Variants in CPNE2 observed in about 807,000 individuals in gnomAD.
CPNE2 encodes copine-2.
A neutral mutation model predicts 69.7 loss-of-function variants in CPNE2; 42 were observed. That is an observed-to-expected ratio of 0.60 (90% CI 0.47 to 0.78). The LOEUF (loss-of-function observed/expected upper bound fraction) is 0.78. Ranked by LOEUF, CPNE2 falls within the 30% of genes least tolerant of loss-of-function variation. The pLI is 0.00. For missense variants in CPNE2, 587 were observed against 732.0 expected, an observed-to-expected ratio of 0.80 and a Z score of 2.29; for synonymous variants, 294 against 289.8, an observed-to-expected ratio of 1.01 and a Z score of -0.15.
At chr16:57,116,712 C>T (rs1025767639) in intron 4 of CPNE2, among the ~76,000 whole-genome samples, 1 of 152,216 alleles carries the variant, frequency 6.6e-6, no homozygotes, top group African/African-American at 2.4e-5. Context: ...ATAATAGGAC[C>T]TACCCTATAG....
Position 57,147,571 on chromosome 16 carries a change from C to A in CPNE2, c.1560C>A (p.Ala520=), listed in dbSNP as rs1424795173. ...TGCAGGCAGCAAAAGAGACCTTGGC[C>A]AAAGCTGTGCTGGCGGAGCTGCCCC... The part of the protein sequence containing the change: ...EFRNAAKETL[A]KAVLAELPQQ... Residue 520 remains alanine (A), a synonymous_variant, in exon 16 of 16, where the codon GCC becomes GCA. Coordinates refer to ENST00000290776, the MANE Select transcript of CPNE2 (RefSeq NM_152727.6). 1 of 1,606,036 alleles carries A rather than the reference C, an allele frequency of 6.2e-7. No homozygotes were observed. The highest frequency in any genetic ancestry group is 8.5e-7 in the Non-Finnish European group (1 of 1,174,512).
chr16:57,140,431 C>A (rs1436863003), intron 14 of CPNE2, among the ~76,000 whole-genome samples: 1 of 152,102 alleles, frequency 6.6e-6, no homozygotes, highest in African/African-American at 2.4e-5. Flanking sequence ...CTCAGCCTCC[C>A]AAAGTGCTGG....
At chr16:57,133,307 T>C (rs1259276369) in intron 12 of CPNE2, among the ~76,000 whole-genome samples, 2 of 151,992 alleles carry the variant, frequency 1.3e-5, no homozygotes, top group African/African-American at 2.4e-5. Context: ...GAAAACCCCA[T>C]TGCCTGAAAC....
In CPNE2 at chr16:57,130,444, C is replaced by CG. The variant is rs1334334015; in HGVS notation, c.1116+2546dup. Among the ~76,000 whole-genome samples, 1 of 151,886 alleles carries CG rather than the reference C, an allele frequency of 6.6e-6. No individual in the cohort carries two copies. The highest frequency in any genetic ancestry group is 1.5e-5 in the Non-Finnish European group (1 of 67,984). ...AGGCAGATGAAGCGGAGACTGAGCCCGGGGGCAGAGCAGGGAGGAAGTGAA... is the reference window on the plus strand; with the variant it reads ...AGGCAGATGAAGCGGAGACTGAGCCCGGGGGGCAGAGCAGGGAGGAAGTGAA... On this transcript the variant is annotated intron_variant, in intron 12 of 15. Coordinates refer to ENST00000290776, the MANE Select transcript of CPNE2 (RefSeq NM_152727.6). This position sits in a 1 kb window ranked among gnomAD's most constrained non-coding sequence, Gnocchi z 4.1.
Position 57,140,853 on chromosome 16 carries a change from C to T in CPNE2, c.1302+3571C>T, listed in dbSNP as rs990722550. ...GTGCTGGGATTACAGACCTGAGCCA[C>T]GGCACCCGGCCGGGATTTTTTTTTT... On this transcript the variant is annotated intron_variant, in intron 14 of 15. Coordinates refer to ENST00000290776, the MANE Select transcript of CPNE2 (RefSeq NM_152727.6). 12 of 150,452 alleles carry T rather than the reference C, an allele frequency of 8.0e-5. 1 individual carries two copies. The South Asian group carries it at 1.5e-3, about 18-fold the overall frequency. 9.3% of individuals were successfully genotyped at this position (150,452 alleles called of 1,614,324 possible). A position where few individuals can be genotyped will look rare whatever the true frequency, so the allele number is the denominator to read the frequency against.
Position 57,146,316 on chromosome 16 carries a change from C to T in CPNE2, c.1534C>T (p.Arg512Cys), listed in dbSNP as rs749664157. ...GCAGTTCGTTCCCTTTCGAGAGTTC[C>T]GCAACGTGAGTGTGGGCCTGGGCTG... ...IVQFVPFREF[R>C]NAAKETLAKA... Residue 512 changes from arginine to cysteine, a missense_variant, in exon 15 of 16, where the codon CGC (arginine) becomes TGC (cysteine). Arg to Cys is a radical substitution (Grantham distance 180). Around this residue, in one of 5 missense-constraint regions of CPNE2, gnomAD observed 185 missense variants for 252.3 expected, o/e 0.73. Coordinates refer to ENST00000290776, the MANE Select transcript of CPNE2 (RefSeq NM_152727.6). This position sits in a 1 kb window ranked among gnomAD's most constrained non-coding sequence, Gnocchi z 4.4. The T allele has an allele frequency of 6.5e-6, 10 of 1,549,114 alleles. No individual in the cohort carries two copies. The highest frequency in any genetic ancestry group is 5.9e-5 in the Admixed American group (3 of 51,256).
rs146753409 is a variant in CPNE2 at position 57,119,777 on chromosome 16, A to G, written c.681+127A>G. On this transcript the variant is annotated intron_variant, in intron 7 of 15. Coordinates refer to ENST00000290776, the MANE Select transcript of CPNE2 (RefSeq NM_152727.6). Reference sequence around the variant, plus strand: ...AAGTGGAACGAACCCCCATCTTTGGAGGAGGGAGGACTGGAGACTGGGTCC... The same window carrying G: ...AAGTGGAACGAACCCCCATCTTTGGGGGAGGGAGGACTGGAGACTGGGTCC... The G allele has an allele frequency of 6.1e-4, 388 of 633,708 alleles. No individual in the cohort carries two copies. In the African/African-American group the frequency reaches 6.4e-3, roughly 10 times the overall value. The allele number at this position is 633,708 out of a possible 1,614,324, so 39.3% of individuals were successfully genotyped here.
chr16:57,110,509 C>T lies in CPNE2; in HGVS notation c.-35-199C>T, dbSNP rs1041649271. 15 of 334,364 alleles carry T rather than the reference C, an allele frequency of 4.5e-5. 1 individual carries two copies. The South Asian group carries it at 7.4e-4, about 16-fold the overall frequency. The allele number at this position is 334,364 out of a possible 1,614,324, so 20.7% of individuals were successfully genotyped here. ...GAGATTATAGGCGTGAGCCACTGCG[C>T]TCAGCTGAGACTCCCTTTTCATGCA... is the stretch of plus-strand genomic sequence containing the variant. On this transcript the variant is annotated intron_variant, in intron 1 of 15. Coordinates refer to ENST00000290776, the MANE Select transcript of CPNE2 (RefSeq NM_152727.6).
chr16:57,142,868 A>T (rs2069932655), intron 14 of CPNE2: 1 of 152,210 alleles, frequency 6.6e-6, no homozygotes, highest in Non-Finnish European at 1.5e-5. Flanking sequence ...AATCAAATCA[A>T]ACGTTAAATG....
intron 4 of CPNE2, among the ~76,000 whole-genome samples, chr16:57,115,829 GC>G (rs1339348122): frequency 6.6e-6 from 1 of 152,244 alleles, no homozygotes; most frequent in African/African-American, 2.4e-5. Context: ...GAAGTGCCCT[GC>G]CCATCAGTGC....
At chr16:57,145,949 G>C in intron 14 of CPNE2, 136 bp from the exon 15 acceptor site, 1 of 717,502 alleles carries the variant, frequency 1.4e-6, no homozygotes, top group Non-Finnish European at 2.4e-6. Flanking sequence ...ATAGTGAGTT[G>C]TCTGGGACTT....
intron 9 of CPNE2, 82 bp from the exon 10 acceptor site, chr16:57,123,332 T>C (rs1290041546): frequency 2.8e-6 from 4 of 1,418,370 alleles, no homozygotes; most frequent in African/African-American, 1.4e-5. Context: ...CCTACTGAGG[T>C]TGCAGGACAT....
chr16:57,098,557 G>A (rs2069593165), intron 1 of CPNE2, among the ~76,000 whole-genome samples: 1 of 152,238 alleles, frequency 6.6e-6, no homozygotes, highest in Non-Finnish European at 1.5e-5. Context: ...CTGTGTGGCT[G>A]GAAAGTGGGG....
intron 1 of CPNE2, among the ~76,000 whole-genome samples, chr16:57,095,422 A>C (rs1421046217): frequency 6.6e-6 from 1 of 151,860 alleles, no homozygotes; most frequent in Admixed American, 6.6e-5. Flanking sequence ...AGTCAAGAAG[A>C]CTGCTGTTCC....
intron 2 of CPNE2, among the ~76,000 whole-genome samples, chr16:57,112,301 G>C (rs1211564592): frequency 3.9e-5 from 6 of 152,116 alleles, no homozygotes; most frequent in African/African-American, 1.4e-4. Context: ...GGACTCCTGG[G>C]GGAGCCACAA....
intron 1 of CPNE2, among the ~76,000 whole-genome samples, chr16:57,096,917 A>G (rs563629479): frequency 5.3e-4 from 81 of 152,116 alleles, no homozygotes; most frequent in African/African-American, 1.9e-3. Flanking sequence ...CACACTAGGC[A>G]TGTCCACACC....
Position 57,137,264 on chromosome 16 carries a change from A to G in CPNE2, c.1284A>G (p.Thr428=). The part of the protein sequence containing the change: ...NHVARFAAQA[T]QQRTATQYFI... ...TGGCCCGGTTTGCGGCCCAGGCCAC[A>G]CAACAGCGGACGGCCACGGTGAGTA... is the stretch of plus-strand genomic sequence containing the variant. The change falls in exon 14 of 16, where the codon ACA becomes ACG. Residue 428 remains threonine (T), a synonymous_variant. Transcript: ENST00000290776. The G allele has an allele frequency of 6.2e-7, 1 of 1,614,192 alleles. No individual in the cohort carries two copies. Among genetic ancestry groups the G allele is most frequent in the Non-Finnish European group, 8.5e-7 (1 of 1,180,022 alleles).
At chr16:57,145,939 A>G (rs1035905023) in intron 14 of CPNE2, 146 bp from the exon 15 acceptor site, 1 of 679,356 alleles carries the variant, frequency 1.5e-6, no homozygotes, top group Non-Finnish European at 2.6e-6. Context: ...AGCAGGACGC[A>G]TAGTGAGTTG....
intron 9 of CPNE2, 100 bp from the exon 10 acceptor site, chr16:57,123,311 ACCT>A: frequency 8.4e-7 from 1 of 1,192,980 alleles, no homozygotes. Context: ...GCTTTTTTTG[ACCT>A]CCTTGTCCCT....
Sources: gnomAD v4.1 joint callset for allele counts (sites outside exome capture counted in the v4.1 genomes callset) on GRCh38, gnomAD v4.1.1 for gene constraint, gnomAD v4.1.1 regional missense constraint, Gnocchi (gnomAD v3.1) non-coding constraint, MANE v1.5 for transcripts, NCBI Gene and HGNC (gene_info 2026-07-23, HGNC 2026-07-21) for gene names.